The following ANKRD36B variants were observed in gnomAD, a reference collection of about 807,000 sequenced individuals.
ANKRD36B encodes ankyrin repeat domain 36B.
Under a neutral mutation model 135.7 loss-of-function variants are expected in ANKRD36B, and 37 were observed. The ratio of observed to expected loss-of-function variants is 0.27; its 90% confidence interval spans 0.21 to 0.36. The LOEUF is 0.36. ANKRD36B is among the 10% of genes least tolerant of loss of function. The pLI, the probability that ANKRD36B is intolerant of heterozygous loss-of-function variation, is 1.00. For synonymous variants in ANKRD36B, 179 were observed against 348.1 expected, an observed-to-expected ratio of 0.51 and a Z score of 5.41; for missense variants, 549 against 1,037.1, an observed-to-expected ratio of 0.53 and a Z score of 6.46.
chr2:97,582,099 C>T (rs1277392710), intron 3 of ANKRD36B, among the ~76,000 whole-genome samples: 4 of 151,556 alleles, frequency 2.6e-5, no homozygotes, highest in Non-Finnish European at 4.4e-5. Context: ...TGAGCCACTG[C>T]GCTCGGCCAA....
intron 6 of ANKRD36B, among the ~76,000 whole-genome samples, chr2:97,564,867 G>A (rs1289644690): frequency 6.6e-6 from 1 of 151,958 alleles, no homozygotes; most frequent in African/African-American, 2.4e-5. Context: ...TCTTTTTTTG[G>A]TTCCATATGA....
At chr2:97,560,252 A>G (rs1371234942) in intron 8 of ANKRD36B, among the ~76,000 whole-genome samples, 1 of 151,846 alleles carries the variant, frequency 6.6e-6, no homozygotes, top group Non-Finnish European at 1.5e-5. Flanking sequence ...CTTAGCTCTC[A>G]TTCTACAGTG....
In ANKRD36B at chr2:97,533,005, C is replaced by CTTT. The variant is rs2078682319; in HGVS notation, c.2192-622_2192-621insAAA. Among the ~76,000 whole-genome samples the CTTT allele has an allele frequency of 2.1e-5, 2 of 96,408 alleles. 1 individual carries two copies. Among genetic ancestry groups the CTTT allele is most frequent in the Non-Finnish European group, 5.5e-5 (2 of 36,380 alleles). 63.2% of individuals were successfully genotyped at this position (96,408 alleles called of 152,430 possible). A position where few individuals can be genotyped will look rare whatever the true frequency, so the allele number is the denominator to read the frequency against. On this transcript the variant is annotated intron_variant, in intron 34 of 43. Transcript: ENST00000359901. ...AATAGAAACAGAAAAAGTAACAGCACACTGTTCTTTACTTCACAATAGTAC... is the reference window on the plus strand; with the variant it reads ...AATAGAAACAGAAAAAGTAACAGCACTTTACTGTTCTTTACTTCACAATAGTAC...
intron 8 of ANKRD36B, among the ~76,000 whole-genome samples, chr2:97,559,921 A>T (rs933553233): frequency 3.3e-5 from 5 of 151,892 alleles, no homozygotes; most frequent in African/African-American, 1.2e-4. Context: ...AAGGAAGCCA[A>T]TGTATTCATA....
At chr2:97,588,159 G>C (rs2083157636) in intron 1 of ANKRD36B, among the ~76,000 whole-genome samples, 3 of 151,318 alleles carry the variant, frequency 2.0e-5, no homozygotes, top group Admixed American at 2.0e-4. Context: ...TTCTTATTTT[G>C]TGCATTTAAA....
At chr2:97,555,410 T>A (rs1423653413) in intron 12 of ANKRD36B, among the ~76,000 whole-genome samples, 156 bp from the exon 13 acceptor site, 2 of 151,772 alleles carry the variant, frequency 1.3e-5, no homozygotes, top group African/African-American at 4.8e-5. Flanking sequence ...AGAAATACAC[T>A]GAAAAAAAAG....
intron 6 of ANKRD36B, among the ~76,000 whole-genome samples, chr2:97,562,559 A>G (rs1366353733): frequency 1.3e-5 from 2 of 151,994 alleles, no homozygotes; most frequent in Admixed American, 1.3e-4. Flanking sequence ...GTGACTTCCC[A>G]CAAGTCTCCT....
At chr2:97,496,827 G>A (rs1398725572) in intron 43 of ANKRD36B, among the ~76,000 whole-genome samples, 1 of 68,170 alleles carries the variant, frequency 1.5e-5, no homozygotes, top group Admixed American at 1.1e-4. Context: ...ATGTATATAT[G>A]TGTGTGTATA....
At chr2:97,581,414 A>T (rs1366172866) in intron 3 of ANKRD36B, among the ~76,000 whole-genome samples, 2 of 151,526 alleles carry the variant, frequency 1.3e-5, no homozygotes, top group Non-Finnish European at 2.9e-5. Flanking sequence ...TCTCTTTTTA[A>T]TTCGGAGAGC....
At chr2:97,586,444 GTCCTAATGCT>G (rs1404471903) in intron 1 of ANKRD36B, among the ~76,000 whole-genome samples, 1 of 151,472 alleles carries the variant, frequency 6.6e-6, no homozygotes, top group East Asian at 1.9e-4. Context: ...CTGGGATTCA[GTCCTAATGCT>G]TCCATTTTAA....
rs1318395475 is a variant in ANKRD36B at position 97,536,040 on chromosome 2, G to A, written c.2191+260C>T. On this transcript the variant is annotated intron_variant, in intron 34 of 43. Coordinates refer to ENST00000359901, the MANE Select transcript of ANKRD36B (RefSeq NM_001393939.1). Reference sequence around the variant, plus strand: ...CAATTGAGCCATTGCACTCCAGCCTGGGCAACAAGAGCAAAGCTCTGTCTC... The same window carrying A: ...CAATTGAGCCATTGCACTCCAGCCTAGGCAACAAGAGCAAAGCTCTGTCTC... Among the ~76,000 whole-genome samples, 22 of 94,048 alleles carry A rather than the reference G, an allele frequency of 2.3e-4. 5 individuals carry two copies. Among genetic ancestry groups the A allele is most frequent in the African/African-American group, 6.4e-4 (20 of 31,316 alleles). The allele number at this position is 94,048 out of a possible 152,430, so 61.7% of individuals were successfully genotyped here. A position where few individuals can be genotyped will look rare whatever the true frequency, so the allele number is the denominator to read the frequency against.
intron 10 of ANKRD36B, 30 bp from the exon 11 acceptor site, chr2:97,557,162 C>T (rs1042335900): frequency 4.4e-5 from 67 of 1,508,572 alleles, no homozygotes; most frequent in Non-Finnish European, 5.6e-5. Context: ...TATAATTCAT[C>T]ATATGTAAAT....
At chr2:97,557,745 G>C (rs900967867) in intron 10 of ANKRD36B, among the ~76,000 whole-genome samples, 33 of 151,746 alleles carry the variant, frequency 2.2e-4, no homozygotes, top group African/African-American at 7.3e-4. Context: ...GCCTACATTT[G>C]TTGTGTCCTC....
chr2:97,587,987 A>G (rs1372160166), intron 1 of ANKRD36B, among the ~76,000 whole-genome samples: 1 of 151,560 alleles, frequency 6.6e-6, no homozygotes, highest in Non-Finnish European at 1.5e-5. Context: ...TCACTTTTTT[A>G]TCTAATATGT....
At chr2:97,496,973 A>AAGCC (rs1245055241) in intron 43 of ANKRD36B, among the ~76,000 whole-genome samples, 2 of 29,492 alleles carry the variant, frequency 6.8e-5, no homozygotes, top group Admixed American at 4.0e-4. Context: ...ATTCATTCTG[A>AAGCC]AGCCCATGGA....
rs188000687 is a variant in ANKRD36B at position 97,539,301 on chromosome 2, T to C, written c.1987+733A>G. Among the ~76,000 whole-genome samples the C allele has an allele frequency of 5.1e-5, 5 of 97,122 alleles. 1 individual carries two copies. The East Asian group carries it at 1.2e-3, about 23-fold the overall frequency. The allele number at this position is 97,122 out of a possible 152,430, so 63.7% of individuals were successfully genotyped here. ...CAAAGTTAGCTAATTGAAAAGCCAA[T>C]ATATGCATATTCATGTTTATTTCAT... On this transcript the variant is annotated intron_variant, in intron 30 of 43. Transcript: ENST00000359901.
At chr2:97,536,424 G>C (rs2078893465) in intron 33 of ANKRD36B, 44 bp downstream of exon 33, 1 of 879,144 alleles carries the variant, frequency 1.1e-6, no homozygotes, top group Admixed American at 2.4e-5. Flanking sequence ...ATTGGTATAG[G>C]TTATGCAGTT....
At chr2:97,554,484 C>CT (rs2080322677) in intron 14 of ANKRD36B, among the ~76,000 whole-genome samples, 1 of 151,870 alleles carries the variant, frequency 6.6e-6, no homozygotes, top group Non-Finnish European at 1.5e-5. Context: ...AAAATCAAAT[C>CT]TTTTTTGTGT....
intron 43 of ANKRD36B, among the ~76,000 whole-genome samples, chr2:97,494,503 A>G (rs111289555): frequency 1.9e-5 from 2 of 107,290 alleles, no homozygotes; most frequent in African/African-American, 5.2e-5. Context: ...CTCATTAGTG[A>G]AAAAAGGGCA....
Sources: allele counts gnomAD v4.1 joint callset (sites outside exome capture counted in the v4.1 genomes callset), GRCh38; gene constraint gnomAD v4.1.1; transcripts MANE v1.5; gene names NCBI Gene and HGNC (gene_info 2026-07-23, HGNC 2026-07-21).